Variants in QTMAN observed in about 807,000 individuals in gnomAD.
The protein encoded by QTMAN is queuosine-tRNA mannosyltransferase.
At chr2:143,991,610 G>T in the QTMAN span, among the ~76,000 whole-genome samples, 1 of 146,934 alleles carries the variant, frequency 6.8e-6, no homozygotes, top group Non-Finnish European at 1.5e-5. Context: ...GAGGTGAGGG[G>T]CGCCTCTGCC....
At chr2:144,061,680 C>T in the QTMAN span, among the ~76,000 whole-genome samples, 1 of 152,036 alleles carries the variant, frequency 6.6e-6, no homozygotes, top group African/African-American at 2.4e-5. Flanking sequence ...CTGGCTAAAC[C>T]CCACCCTCAA....
the QTMAN span, among the ~76,000 whole-genome samples, chr2:144,082,693 G>C: frequency 6.6e-6 from 1 of 152,148 alleles, no homozygotes; most frequent in Non-Finnish European, 1.5e-5. Context: ...TTAAGGCTCA[G>C]ATAAATTGAC....
the QTMAN span, among the ~76,000 whole-genome samples, chr2:144,328,107 T>C: frequency 6.6e-6 from 1 of 152,018 alleles, no homozygotes; most frequent in Non-Finnish European, 1.5e-5. Flanking sequence ...CGTGCCACCA[T>C]GCCCGGTTAA....
the QTMAN span, among the ~76,000 whole-genome samples, chr2:144,027,752 G>A: frequency 4.6e-5 from 7 of 152,188 alleles, no homozygotes; most frequent in Non-Finnish European, 8.8e-5. Flanking sequence ...ACACACCATG[G>A]AGGTAATCCA....
the QTMAN span, among the ~76,000 whole-genome samples, chr2:144,113,393 T>C: frequency 6.7e-6 from 1 of 150,372 alleles, no homozygotes; most frequent in African/African-American, 2.4e-5. Flanking sequence ...ACAAGAAAAA[T>C]TAGCCAATTT....
the QTMAN span, among the ~76,000 whole-genome samples, chr2:143,950,557 A>G: frequency 2.0e-5 from 3 of 151,834 alleles, no homozygotes; most frequent in African/African-American, 7.2e-5. Context: ...CAAATACTTT[A>G]CCAAAAATTC....
chr2:143,993,574 G>A, the QTMAN span, among the ~76,000 whole-genome samples: 1 of 152,146 alleles, frequency 6.6e-6, no homozygotes, highest in African/African-American at 2.4e-5. Flanking sequence ...GTGACTGGAG[G>A]CAGTGAATGG....
chr2:144,107,626 CA>C, the QTMAN span, among the ~76,000 whole-genome samples: 6 of 151,988 alleles, frequency 3.9e-5, no homozygotes, highest in Non-Finnish European at 7.4e-5. Flanking sequence ...CTTACCAACC[CA>C]AAAAAGTCCA....
At chr2:144,306,653 G>GC in the QTMAN span, among the ~76,000 whole-genome samples, 2 of 151,472 alleles carry the variant, frequency 1.3e-5, no homozygotes, top group African/African-American at 4.8e-5. Flanking sequence ...GTCCATAAGA[G>GC]CCCCCCAGAA....
the QTMAN span, among the ~76,000 whole-genome samples, chr2:144,254,833 CTGGATGTGAGACA>C: frequency 1.3e-5 from 2 of 152,210 alleles, no homozygotes; most frequent in African/African-American, 4.8e-5. Context: ...TCAGTGTGAC[CTGGATGTGAGACA>C]TGGAGTCAAA....
At chr2:143,974,818 G>T in the QTMAN span, among the ~76,000 whole-genome samples, 1 of 151,736 alleles carries the variant, frequency 6.6e-6, no homozygotes, top group Non-Finnish European at 1.5e-5. Flanking sequence ...AAAATTACTA[G>T]ATTTTTTTGC....
the QTMAN span, among the ~76,000 whole-genome samples, chr2:144,164,079 T>C: frequency 1.3e-5 from 2 of 152,038 alleles, no homozygotes; most frequent in South Asian, 2.1e-4. Context: ...TGCGCCACTA[T>C]GCCTGGCTAA....
At chr2:144,273,509 G>A in the QTMAN span, among the ~76,000 whole-genome samples, 1 of 152,046 alleles carries the variant, frequency 6.6e-6, no homozygotes, top group East Asian at 1.9e-4. Flanking sequence ...ATTATCCCAG[G>A]ACTCAAAAAG....
At chr2:144,122,237 T>C in the QTMAN span, among the ~76,000 whole-genome samples, 3 of 152,200 alleles carry the variant, frequency 2.0e-5, no homozygotes, top group Non-Finnish European at 4.4e-5. Context: ...CATTTAAAAC[T>C]GACAAAGGGC....
chr2:144,187,228 T>C, the QTMAN span, among the ~76,000 whole-genome samples: 1 of 152,198 alleles, frequency 6.6e-6, no homozygotes, highest in Non-Finnish European at 1.5e-5. Flanking sequence ...ATTTAGCTCA[T>C]GGTTCTGCAA....
the QTMAN span, among the ~76,000 whole-genome samples, chr2:144,230,560 A>G: frequency 1.3e-5 from 2 of 150,816 alleles, no homozygotes; most frequent in Admixed American, 1.3e-4. Context: ...ATTTAGAAGG[A>G]AAAAAAAACA....
At chr2:144,220,651 T>G in the QTMAN span, among the ~76,000 whole-genome samples, 1 of 152,218 alleles carries the variant, frequency 6.6e-6, no homozygotes, top group Non-Finnish European at 1.5e-5. Context: ...GTAAAGTTAC[T>G]TAGGAGTTAG....
At chr2:144,171,806 G>A in the QTMAN span, among the ~76,000 whole-genome samples, 1 of 152,004 alleles carries the variant, frequency 6.6e-6, no homozygotes, top group Non-Finnish European at 1.5e-5. Flanking sequence ...TTTATGGAAC[G>A]AAGCCATTAG....
the QTMAN span, among the ~76,000 whole-genome samples, chr2:144,173,214 G>C: frequency 2.0e-5 from 3 of 152,066 alleles, no homozygotes; most frequent in Non-Finnish European, 2.9e-5. Context: ...GTGTAAAAAA[G>C]AAACCCTAAG....
Sources: gnomAD v4.1 joint callset for allele counts (sites outside exome capture counted in the v4.1 genomes callset) on GRCh38, gnomAD v4.1.1 for gene constraint, MANE v1.5 for transcripts, NCBI Gene and HGNC (gene_info 2026-07-23, HGNC 2026-07-21) for gene names.